The following SNX7 variants were observed in gnomAD, a reference collection of about 807,000 sequenced individuals.
The protein encoded by SNX7 is sorting nexin 7.
In SNX7, 35 loss-of-function variants were observed where a neutral mutation model predicts 48.4. The observed-to-expected ratio is 0.72, with a 90% CI of 0.55 to 0.96. SNX7 has a LOEUF of 0.96. Among genes scored for constraint, SNX7 ranks in the 40% least tolerant of loss-of-function variants. SNX7 has a pLI of 0.00. For synonymous variants in SNX7, 190 were observed against 190.2 expected, an observed-to-expected ratio of 1.00 and a Z score of 0.01; for missense variants, 553 against 548.9, an observed-to-expected ratio of 1.01 and a Z score of -0.07.
chr1:98,670,023 C>G (rs1459161465), intron 1 of SNX7, among the ~76,000 whole-genome samples: 4 of 151,958 alleles, frequency 2.6e-5, no homozygotes. Context: ...TTTATAGAGA[C>G]AGTTATTACA....
At chr1:98,753,104 C>T (rs1654667869) in intron 8 of SNX7, among the ~76,000 whole-genome samples, 1 of 152,018 alleles carries the variant, frequency 6.6e-6, no homozygotes, top group African/African-American at 2.4e-5. Context: ...ATAGGATTCA[C>T]AGTAATCATT....
intron 1 of SNX7, among the ~76,000 whole-genome samples, chr1:98,677,706 C>T (rs369731371): frequency 1.3e-5 from 2 of 151,734 alleles, no homozygotes; most frequent in South Asian, 4.2e-4. Flanking sequence ...GGTGAAACCC[C>T]GTCTCTACTA....
At chr1:98,743,300 T>G (rs1044869194) in intron 8 of SNX7, among the ~76,000 whole-genome samples, 1 of 151,904 alleles carries the variant, frequency 6.6e-6, no homozygotes, top group Non-Finnish European at 1.5e-5. Flanking sequence ...AAATAATATA[T>G]AAAAATATTT....
At chr1:98,690,970 A>T in intron 2 of SNX7, 105 bp from the exon 3 acceptor site, 1 of 600,784 alleles carries the variant, frequency 1.7e-6, no homozygotes, top group Non-Finnish European at 2.6e-6. Context: ...AGGATGTGTT[A>T]ATTTTTCTTA....
rs367581040 is a variant in SNX7 at position 98,723,733 on chromosome 1, C to T, written c.1126-14504C>T. Among the ~76,000 whole-genome samples, 22 of 151,842 alleles carry T rather than the reference C, an allele frequency of 1.4e-4. No individual in the cohort carries two copies. The East Asian group carries it at 2.0e-3, about 13-fold the overall frequency. On this transcript the variant is annotated intron_variant, in intron 7 of 8. Coordinates refer to ENST00000306121, the MANE Select transcript of SNX7 (RefSeq NM_015976.5). ...GCAGCTGGGTGTAGTGGTGCATGCCCGTAGTCCCAGCTGCTTGGGAGGCTG... is the reference window on the plus strand; with the variant it reads ...GCAGCTGGGTGTAGTGGTGCATGCCTGTAGTCCCAGCTGCTTGGGAGGCTG...
intron 2 of SNX7, among the ~76,000 whole-genome samples, chr1:98,689,631 G>A (rs1269769745): frequency 2.6e-5 from 4 of 152,124 alleles, no homozygotes; most frequent in Middle Eastern, 3.4e-3. Context: ...TTCATTGTTC[G>A]TTATGGCAAT....
chr1:98,669,688 G>A (rs967999222), intron 1 of SNX7, among the ~76,000 whole-genome samples: 5 of 152,198 alleles, frequency 3.3e-5, no homozygotes, highest in Admixed American at 6.5e-5. Context: ...TTGCCACTAT[G>A]TGAACTTACT....
chr1:98,666,398 C>T (rs925818298), intron 1 of SNX7, among the ~76,000 whole-genome samples: 13 of 152,156 alleles, frequency 8.5e-5, no homozygotes, highest in African/African-American at 3.1e-4. Flanking sequence ...AGAGAGGTAG[C>T]TACTGCCGGA....
intron 1 of SNX7, among the ~76,000 whole-genome samples, chr1:98,667,105 C>T (rs1394368219): frequency 6.6e-6 from 1 of 152,154 alleles, no homozygotes; most frequent in East Asian, 1.9e-4. Context: ...CTGCATAAAC[C>T]AGTGAGCATA....
intron 8 of SNX7, among the ~76,000 whole-genome samples, chr1:98,758,756 C>CAGTGTTTTACATG (rs1654977784): frequency 6.6e-6 from 1 of 151,866 alleles, no homozygotes; most frequent in Non-Finnish European, 1.5e-5. Flanking sequence ...TTAGGTCTTT[C>CAGTGTTTTACATG]AGTGTTTTAC....
intron 8 of SNX7, among the ~76,000 whole-genome samples, chr1:98,745,968 A>C (rs961946116): frequency 2.0e-5 from 3 of 152,040 alleles, no homozygotes. Flanking sequence ...TTTTAACCAA[A>C]TATGTCACTT....
chr1:98,720,959 T>C (rs1402709322), intron 7 of SNX7, among the ~76,000 whole-genome samples: 1 of 152,138 alleles, frequency 6.6e-6, no homozygotes, highest in Non-Finnish European at 1.5e-5. Context: ...AAAACTACAG[T>C]GTACACAGTA....
At position 98,691,076 on chromosome 1, in the gene SNX7, C is replaced by A; in HGVS notation, c.365C>A (p.Thr122Lys). 6.3e-7 allele frequency: 1 copy of A among 1,597,486 alleles called. No homozygotes were observed. The highest frequency in any genetic ancestry group is 8.6e-7 in the Non-Finnish European group (1 of 1,168,822). ...GTTATTTTCTCTTACTTTCTTCAGA[C>A]ATCTCGTGGGGAATTTGACTCCAGT... ...TFITYRIITK[T>K]SRGEFDSSEF... The change falls in exon 3 of 9, where the codon ACA becomes AAA. Residue 122 changes from threonine to lysine, a missense_variant and splice_region_variant. Thr to Lys is a moderately conservative substitution (Grantham distance 78). Coordinates refer to ENST00000306121, the MANE Select transcript of SNX7 (RefSeq NM_015976.5).
At chr1:98,698,662 C>CT (rs1218706662) in intron 5 of SNX7, 44 bp from the exon 6 acceptor site, 1 of 1,548,018 alleles carries the variant, frequency 6.5e-7, no homozygotes, top group African/African-American at 1.4e-5. Context: ...ATTTTGAAAA[C>CT]TTTTGTTTAT....
intron 8 of SNX7, among the ~76,000 whole-genome samples, chr1:98,752,371 G>A (rs1290945589): frequency 6.6e-6 from 1 of 151,972 alleles, no homozygotes; most frequent in East Asian, 1.9e-4. Flanking sequence ...TAACACAGGT[G>A]AATATTAAAC....
At chr1:98,688,936 G>A (rs966321439) in intron 2 of SNX7, among the ~76,000 whole-genome samples, 5 of 152,018 alleles carry the variant, frequency 3.3e-5, no homozygotes, top group East Asian at 1.9e-4. Context: ...ACAGAGTCTC[G>A]CTCTGTCACC....
intron 2 of SNX7, among the ~76,000 whole-genome samples, chr1:98,686,430 G>A (rs1650803470): frequency 6.6e-6 from 1 of 152,114 alleles, no homozygotes; most frequent in African/African-American, 2.4e-5. Context: ...CACACGATAA[G>A]TGTTCAGTAA....
chr1:98,708,613 G>A (rs1280164213), intron 7 of SNX7, among the ~76,000 whole-genome samples: 1 of 152,126 alleles, frequency 6.6e-6, no homozygotes, highest in African/African-American at 2.4e-5. Context: ...TTGGAATGGT[G>A]CATGAGTGAT....
At chr1:98,671,880 A>G (rs2100912840) in intron 1 of SNX7, among the ~76,000 whole-genome samples, 1 of 152,244 alleles carries the variant, frequency 6.6e-6, no homozygotes, top group South Asian at 2.1e-4. Context: ...TCATAGTTTT[A>G]TTTTTAGATA....
Sources: gnomAD v4.1 joint callset for allele counts (sites outside exome capture counted in the v4.1 genomes callset) on GRCh38, gnomAD v4.1.1 for gene constraint, MANE v1.5 for transcripts, NCBI Gene and HGNC (gene_info 2026-07-23, HGNC 2026-07-21) for gene names.